TMEM182: variants seen among roughly 807,000 people sequenced by gnomAD.
TMEM182 encodes transmembrane protein 182.
Under a neutral mutation model 26.8 loss-of-function variants are expected in TMEM182, and 20 were observed. The observed-to-expected ratio is 0.75, with a 90% confidence interval of 0.53 to 1.09. The LOEUF (loss-of-function observed/expected upper bound fraction) is 1.09. Among genes scored for constraint, TMEM182 ranks in the 50% least tolerant of loss-of-function variants. The probability of loss-of-function intolerance (pLI) is 0.00; values close to 1 mark genes in which losing one functional copy is unlikely to be tolerated. For synonymous variants in TMEM182, 109 were observed against 102.2 expected, an observed-to-expected ratio of 1.07 and a Z score of -0.40; for missense variants, 277 against 275.5, an observed-to-expected ratio of 1.01 and a Z score of -0.04.
intron 1 of TMEM182, among the ~76,000 whole-genome samples, chr2:102,740,396 C>T (rs1679509836): frequency 6.6e-6 from 1 of 152,080 alleles, no homozygotes; most frequent in Non-Finnish European, 1.5e-5. Flanking sequence ...GCTTTTCCCC[C>T]TCTTGCTCAG....
At position 102,762,929 on chromosome 2, in the gene TMEM182, T is replaced by C. The variant is rs139462348; in HGVS notation, c.232+243T>C. Among the ~76,000 whole-genome samples the C allele has an allele frequency of 5.2e-4, 79 of 152,302 alleles. No individual in the cohort carries two copies. In the East Asian group the frequency reaches 0.015, roughly 28 times the overall value. On this transcript the variant is annotated intron_variant, in intron 2 of 4. Transcript: ENST00000412401. ...ATTTATGGCAAAACTGAATTATCCA[T>C]TGTTTCACTGCTCCTGTTTAGAATA...
chr2:102,776,233 G>T (rs1429167515), intron 3 of TMEM182, among the ~76,000 whole-genome samples: 1 of 152,132 alleles, frequency 6.6e-6, no homozygotes, highest in East Asian at 1.9e-4. Flanking sequence ...GGCACTGAAT[G>T]AGTTTTGACA....
intron 3 of TMEM182, chr2:102,834,280 C>T: frequency 1.6e-6 from 1 of 617,942 alleles, no homozygotes; most frequent in Non-Finnish European, 2.0e-6. Context: ...TCATGCACAA[C>T]AGTCTCTGTA....
intron 1 of TMEM182, among the ~76,000 whole-genome samples, chr2:102,746,065 G>T (rs975379725): frequency 2.0e-5 from 3 of 152,184 alleles, no homozygotes; most frequent in African/African-American, 4.8e-5. Context: ...AGCAGTGTAT[G>T]AGAGTTCTAA....
At chr2:102,812,180 C>A (rs559825512) in intron 4 of TMEM182, among the ~76,000 whole-genome samples, 1 of 152,274 alleles carries the variant, frequency 6.6e-6, no homozygotes, top group African/African-American at 2.4e-5. Flanking sequence ...TATTTCCTGG[C>A]AGTCAGAAAC....
upstream of TMEM182, among the ~76,000 whole-genome samples, chr2:102,760,793 T>C (rs1319431584): frequency 3.9e-5 from 6 of 152,184 alleles, no homozygotes; most frequent in Non-Finnish European, 7.4e-5. Flanking sequence ...TTTTTGTATT[T>C]TTAGTAGACA....
chr2:102,797,896 T>G lies in TMEM182; in HGVS notation c.365T>G (p.Leu122Arg). 1 of 1,614,086 alleles carries G rather than the reference T, an allele frequency of 6.2e-7. No individual in the cohort carries two copies. The highest frequency in any genetic ancestry group is 1.1e-5 in the South Asian group (1 of 91,068). Residue 122 changes from leucine to arginine, a missense_variant, in exon 4 of 5, where the codon CTG becomes CGG. By Grantham distance (102) the Leu-to-Arg change is moderately radical (BLOSUM62 -2). Coordinates refer to ENST00000412401, the MANE Select transcript of TMEM182 (RefSeq NM_144632.5). ...GGTTTCTGGGCAGTCCTGATGCTCC[T>G]GGGGGTAGTTGCTGTAGTCATCGCA... ...YRGFWAVLMLLGVVAVVIASF... is the reference protein window; with the variant it reads ...YRGFWAVLMLRGVVAVVIASF...
In TMEM182 at chr2:102,790,126, G is replaced by A. The variant is rs187843287; in HGVS notation, c.332-7737G>A. Among the ~76,000 whole-genome samples the A allele has an allele frequency of 3.2e-4, 49 of 152,330 alleles. 1 individual carries two copies. The highest frequency in any genetic ancestry group is 8.5e-4 in the Admixed American group (13 of 15,308). On this transcript the variant is annotated intron_variant, in intron 3 of 4. Transcript: ENST00000412401. ...TTTTCTTCTGGGGAAAAGAACTTGC[G>A]AGGGCAAGGATTATGTCTTACTCTG...
intron 4 of TMEM182, among the ~76,000 whole-genome samples, chr2:102,812,216 T>C (rs530214713): frequency 6.6e-6 from 1 of 152,334 alleles, no homozygotes; most frequent in Non-Finnish European, 1.5e-5. Context: ...CATTCACTTA[T>C]TTGATCAGTC....
intron 3 of TMEM182, among the ~76,000 whole-genome samples, chr2:102,785,913 GTC>G (rs1479641588): frequency 6.6e-5 from 10 of 152,080 alleles, no homozygotes; most frequent in African/African-American, 9.7e-5. Flanking sequence ...ATTTTCTACT[GTC>G]TGTACAAAAG....
chr2:102,830,552 A>G (rs1440485806), intron 3 of TMEM182, among the ~76,000 whole-genome samples: 2 of 151,704 alleles, frequency 1.3e-5, no homozygotes, highest in East Asian at 3.9e-4. Context: ...TTATTTATGT[A>G]TTTATTTCTG....
At chr2:102,758,249 A>AAG (rs1680106336), upstream of TMEM182, 2 of 490,362 alleles carry the variant, frequency 4.1e-6, no homozygotes, top group African/African-American at 4.0e-5. Context: ...AGAGAAAGGG[A>AAG]AGAGAGAACC....
intron 4 of TMEM182, among the ~76,000 whole-genome samples, chr2:102,799,789 A>G (rs1469597234): frequency 1.3e-5 from 2 of 152,198 alleles, no homozygotes; most frequent in Non-Finnish European, 2.9e-5. Context: ...AGGGAGAGTT[A>G]GAGTAATATG....
chr2:102,792,015 T>A (rs945203254), intron 3 of TMEM182, among the ~76,000 whole-genome samples: 11 of 144,930 alleles, frequency 7.6e-5, no homozygotes, highest in Middle Eastern at 3.5e-3. Context: ...TACCTAAAAA[T>A]ATATATATAA....
chr2:102,828,947 T>C (rs2104773491), intron 3 of TMEM182, among the ~76,000 whole-genome samples: 1 of 152,370 alleles, frequency 6.6e-6, no homozygotes, highest in South Asian at 2.1e-4. Context: ...AAGAACACCC[T>C]GTGAATATGT....
At position 102,797,976 on chromosome 2, in the gene TMEM182, G is replaced by A; in HGVS notation, c.445G>A (p.Gly149Arg). The change falls in exon 4 of 5, where the codon GGG becomes AGG. Residue 149 changes from glycine (G) to arginine (R), a missense_variant. Coordinates refer to ENST00000412401, the MANE Select transcript of TMEM182 (RefSeq NM_144632.5). ...CGCCAGCCATTTTCTCTACAAAGCT[G>A]GGGGAGGCTCATATATTGCTGCAGG... ...PFASHFLYKAGGGSYIAAGIL... is the reference protein window; with the variant it reads ...PFASHFLYKARGGSYIAAGIL... The A allele has an allele frequency of 6.2e-7, 1 of 1,613,984 alleles. No individual in the cohort carries two copies. The highest frequency in any genetic ancestry group is 1.3e-5 in the African/African-American group (1 of 75,006).
In TMEM182 at chr2:102,762,084, C is replaced by G; in HGVS notation, c.-134C>G. On this transcript the variant is annotated 5_prime_UTR_variant, in exon 1 of 5. Coordinates refer to ENST00000412401, the MANE Select transcript of TMEM182 (RefSeq NM_144632.5). Reference sequence around the variant, plus strand: ...GCCACCAAAACATGAGCTAGGACAGCCTTCTCAAGAAGATTCTGCCAACTC... The same window carrying G: ...GCCACCAAAACATGAGCTAGGACAGGCTTCTCAAGAAGATTCTGCCAACTC... The G allele has an allele frequency of 5.4e-6, 4 of 747,144 alleles. No individual in the cohort carries two copies. The highest frequency in any genetic ancestry group is 3.0e-5 in the Admixed American group (1 of 33,898). 46.3% of individuals were successfully genotyped at this position (747,144 alleles called of 1,614,324 possible). A position where few individuals can be genotyped will look rare whatever the true frequency, so the allele number is the denominator to read the frequency against.
chr2:102,776,495 G>T (rs1323685092), intron 3 of TMEM182, among the ~76,000 whole-genome samples: 1 of 152,090 alleles, frequency 6.6e-6, no homozygotes, highest in Non-Finnish European at 1.5e-5. Context: ...TGGCATGATA[G>T]TTCATTTCTT....
chr2:102,834,960 C>T (rs1283091005), intron 3 of TMEM182, among the ~76,000 whole-genome samples: 1 of 152,060 alleles, frequency 6.6e-6, no homozygotes, highest in African/African-American at 2.4e-5. Context: ...ATAACACCTC[C>T]TAGATGAGGA....
Sources: gnomAD v4.1 joint callset for allele counts (sites outside exome capture counted in the v4.1 genomes callset) on GRCh38, gnomAD v4.1.1 for gene constraint, MANE v1.5 for transcripts, NCBI Gene and HGNC (gene_info 2026-07-23, HGNC 2026-07-21) for gene names.